The following CHLSN variants were observed in gnomAD, a reference collection of about 807,000 sequenced individuals.
CHLSN encodes cholesin.
chr7:1,137,416 T>C, the CHLSN span: 1 of 152,428 alleles, frequency 6.6e-6, no homozygotes, highest in East Asian at 1.9e-4. Context: ...TGTAGCCCAA[T>C]GCCCCGAACA....
chr7:1,127,978 C>T, the CHLSN span, among the ~76,000 whole-genome samples: 1 of 33,824 alleles, frequency 3.0e-5, no homozygotes, highest in Non-Finnish European at 4.9e-5. Flanking sequence ...TGCAGTGGCA[C>T]GATCTCGGCT....
the CHLSN span, chr7:987,310 T>A: frequency 6.5e-7 from 1 of 1,535,090 alleles, no homozygotes; most frequent in Admixed American, 1.9e-5. Flanking sequence ...GGACGAGGGA[T>A]GGCGCTGCCA....
chr7:1,047,653 A>C, the CHLSN span, among the ~76,000 whole-genome samples: 1 of 152,262 alleles, frequency 6.6e-6, no homozygotes, highest in Non-Finnish European at 1.5e-5. Flanking sequence ...TGAGCGTCTC[A>C]TGGTGCATGG....
the CHLSN span, among the ~76,000 whole-genome samples, chr7:1,102,599 G>A: frequency 0.14 from 20,920 of 151,960 alleles, 1,597 homozygotes; most frequent in South Asian, 0.18. Context: ...TTCAGAGCAG[G>A]AGCGGACGTT....
chr7:1,015,644 GAGGAC>G, the CHLSN span, among the ~76,000 whole-genome samples: 1 of 152,340 alleles, frequency 6.6e-6, no homozygotes, highest in East Asian at 1.9e-4. Flanking sequence ...GGAGAGCAGG[GAGGAC>G]CCAGGACTAA....
the CHLSN span, among the ~76,000 whole-genome samples, chr7:1,050,893 C>T: frequency 6.6e-6 from 1 of 152,216 alleles, no homozygotes; most frequent in Non-Finnish European, 1.5e-5. Context: ...AGAAACTCTA[C>T]CCCTGTCCTT....
the CHLSN span, among the ~76,000 whole-genome samples, chr7:1,012,230 G>C: frequency 3.3e-5 from 5 of 152,262 alleles, no homozygotes; most frequent in African/African-American, 1.2e-4. Flanking sequence ...CCGAGGGTCT[G>C]TCAGCCCACA....
At chr7:1,133,187 G>T in the CHLSN span, among the ~76,000 whole-genome samples, 55 of 152,060 alleles carry the variant, frequency 3.6e-4, no homozygotes, top group Non-Finnish European at 6.3e-4. Flanking sequence ...AGACGCCCAA[G>T]ACTCCACACT....
At chr7:1,041,216 GGACC>G in the CHLSN span, among the ~76,000 whole-genome samples, 574 of 145,420 alleles carry the variant, frequency 3.9e-3, 39 homozygotes, top group African/African-American at 0.012. Flanking sequence ...GCAGGGAACG[GGACC>G]TGGGCTCCGC....
chr7:1,108,933 G>A, the CHLSN span, among the ~76,000 whole-genome samples: 1 of 135,458 alleles, frequency 7.4e-6, no homozygotes, highest in Admixed American at 8.3e-5. Context: ...GTCTCGCTCT[G>A]TCGCCCAGGC....
the CHLSN span, among the ~76,000 whole-genome samples, chr7:1,123,285 G>A: frequency 1.3e-5 from 2 of 152,234 alleles, no homozygotes; most frequent in African/African-American, 4.8e-5. This position sits in a 1 kb window ranked among gnomAD's most constrained non-coding sequence, Gnocchi z 4.4. Context: ...GGGACGTGGC[G>A]GCGATCCTGG....
the CHLSN span, among the ~76,000 whole-genome samples, chr7:1,136,827 A>G: frequency 3.9e-5 from 6 of 151,990 alleles, no homozygotes; most frequent in Non-Finnish European, 7.4e-5. Flanking sequence ...GATGAGGTTC[A>G]CATAGTAGCT....
the CHLSN span, among the ~76,000 whole-genome samples, chr7:1,027,518 C>A: frequency 6.6e-6 from 1 of 152,288 alleles, no homozygotes; most frequent in Non-Finnish European, 1.5e-5. Context: ...TCTGCGCTCT[C>A]CAACCCAAAC....
the CHLSN span, among the ~76,000 whole-genome samples, chr7:1,086,055 G>A: frequency 7.2e-5 from 11 of 152,308 alleles, no homozygotes; most frequent in Non-Finnish European, 1.0e-4. Context: ...CAGATGCCCC[G>A]ATCCGCTGAC....
At chr7:1,085,828 G>GT in the CHLSN span, among the ~76,000 whole-genome samples, 2 of 149,820 alleles carry the variant, frequency 1.3e-5, no homozygotes, top group South Asian at 4.2e-4. Context: ...GCAAAATCCT[G>GT]TCTCAAAAAA....
At chr7:1,037,147 G>C in the CHLSN span, among the ~76,000 whole-genome samples, 3,474 of 146,158 alleles carry the variant, frequency 0.024, 372 homozygotes, top group Non-Finnish European at 0.034. Context: ...GTAATAGAAA[G>C]GATTTACTTC....
the CHLSN span, chr7:1,000,602 G>T: frequency 1.4e-6 from 2 of 1,460,102 alleles, no homozygotes; most frequent in Non-Finnish European, 1.9e-6. Flanking sequence ...AGACTCCCGG[G>T]CAGCTGTCTG....
the CHLSN span, among the ~76,000 whole-genome samples, chr7:1,126,087 A>T: frequency 2.5e-4 from 38 of 152,064 alleles, no homozygotes; most frequent in South Asian, 4.8e-3. Flanking sequence ...CAGGGCCTGG[A>T]GCAGTGGCTC....
the CHLSN span, among the ~76,000 whole-genome samples, chr7:1,110,551 C>T: frequency 1.3e-5 from 2 of 152,220 alleles, no homozygotes; most frequent in Non-Finnish European, 1.5e-5. Flanking sequence ...TGGGGCAGAG[C>T]GGGAGCGGGT....
Sources: allele counts gnomAD v4.1 joint callset (sites outside exome capture counted in the v4.1 genomes callset), GRCh38; gene constraint gnomAD v4.1.1; non-coding constraint Gnocchi (gnomAD v3.1); transcripts MANE v1.5; gene names NCBI Gene and HGNC (gene_info 2026-07-23, HGNC 2026-07-21).